Variants in RBFOX3 observed in about 807,000 individuals in gnomAD.
RBFOX3 encodes the protein RNA binding protein fox-1 homolog 3.
Under a neutral mutation model 48.7 loss-of-function variants are expected in RBFOX3, and 17 were observed. The ratio of observed to expected loss-of-function variants is 0.35; its 90% CI spans 0.24 to 0.52. The LOEUF (loss-of-function observed/expected upper bound fraction) is 0.52, where lower values mean the gene tolerates loss of function less well. Ranked by LOEUF, RBFOX3 falls within the 20% of genes least tolerant of loss-of-function variation. RBFOX3 has a pLI of 0.94. For synonymous variants in RBFOX3, 212 were observed against 209.5 expected, an observed-to-expected ratio of 1.01 and a Z score of -0.10; for missense variants, 382 against 497.5, an observed-to-expected ratio of 0.77 and a Z score of 2.21.
Position 79,552,562 on chromosome 17 carries a change from C to T in RBFOX3, c.-320+58264G>A, listed in dbSNP as rs1046140713. ...TCTGTTTTGTTCACTGTTGTATCAC[C>T]AGGGCCTGAACAGGGCCTGGTGTAT... On this transcript the variant is annotated intron_variant, in intron 1 of 14. Coordinates refer to ENST00000693108, the MANE Select transcript of RBFOX3 (RefSeq NM_001350451.2). 4.1e-4 allele frequency among the ~76,000 whole-genome samples: 63 copies of T among 152,224 alleles called. No individual in the cohort carries two copies. In the East Asian group the frequency reaches 9.5e-3, roughly 23 times the overall value.
At chr17:79,293,918 T>C (rs77885881) in intron 3 of RBFOX3, among the ~76,000 whole-genome samples, 10,706 of 152,226 alleles carry the variant, frequency 0.07, 512 homozygotes, top group Non-Finnish European at 0.1. Flanking sequence ...CCCCAGCTGC[T>C]ATTACAGGAT....
At chr17:79,288,110 C>T (rs1368498213) in intron 3 of RBFOX3, among the ~76,000 whole-genome samples, 2 of 152,248 alleles carry the variant, frequency 1.3e-5, no homozygotes, top group East Asian at 3.9e-4. Flanking sequence ...GCCACCTTCT[C>T]AGTGAAGCCT....
chr17:79,276,849 C>A (rs1417981864), intron 3 of RBFOX3, among the ~76,000 whole-genome samples: 1 of 152,174 alleles, frequency 6.6e-6, no homozygotes, highest in Non-Finnish European at 1.5e-5. Flanking sequence ...GAGACCACTG[C>A]CCCTCTTGTA....
At chr17:79,648,278 G>A in the RBFOX3 span, among the ~76,000 whole-genome samples, 53 of 152,264 alleles carry the variant, frequency 3.5e-4, no homozygotes, top group African/African-American at 1.1e-3. Flanking sequence ...GACAGGGAGC[G>A]GTGCAGATGA....
intron 3 of RBFOX3, among the ~76,000 whole-genome samples, chr17:79,238,020 T>A (rs1319042206): frequency 6.6e-6 from 1 of 152,252 alleles, no homozygotes; most frequent in Non-Finnish European, 1.5e-5. Flanking sequence ...CCCTGCAACC[T>A]CTGCCTCTCA....
chr17:79,533,685 C>G (rs1381384818), intron 1 of RBFOX3, among the ~76,000 whole-genome samples: 2 of 152,242 alleles, frequency 1.3e-5, no homozygotes, highest in African/African-American at 4.8e-5. Context: ...GTCATGGGTG[C>G]TTTGCAGCAT....
chr17:79,635,974 G>C, the RBFOX3 span, among the ~76,000 whole-genome samples: 1 of 152,148 alleles, frequency 6.6e-6, no homozygotes, highest in African/African-American at 2.4e-5. Context: ...TCTATAAATT[G>C]ATAAACCCAC....
intron 5 of RBFOX3, among the ~76,000 whole-genome samples, chr17:79,114,173 G>A (rs1045129567): frequency 5.9e-5 from 9 of 152,208 alleles, no homozygotes; most frequent in Admixed American, 2.0e-4. Flanking sequence ...TGGTGAACCC[G>A]GCTTGGCTCC....
At chr17:79,161,628 C>G (rs539828466) in intron 4 of RBFOX3, among the ~76,000 whole-genome samples, 48 of 152,290 alleles carry the variant, frequency 3.2e-4, no homozygotes, top group African/African-American at 1.1e-3. Flanking sequence ...CAGGGTCTCA[C>G]TCTGTCACCC....
intron 1 of RBFOX3, among the ~76,000 whole-genome samples, chr17:79,512,141 G>A (rs1357208134): frequency 7.7e-6 from 1 of 130,120 alleles, no homozygotes; most frequent in African/African-American, 2.9e-5. Flanking sequence ...GTTACCATTG[G>A]GTACAGCCCC....
chr17:79,200,090 A>C (rs2056489693), intron 4 of RBFOX3, among the ~76,000 whole-genome samples: 1 of 150,602 alleles, frequency 6.6e-6, no homozygotes, highest in Non-Finnish European at 1.5e-5. Context: ...TTGAACCCGG[A>C]AGGCAGAGGT....
At chr17:79,440,007 G>A (rs566978744) in intron 2 of RBFOX3, among the ~76,000 whole-genome samples, 28 of 152,118 alleles carry the variant, frequency 1.8e-4, no homozygotes, top group Non-Finnish European at 2.9e-4. Flanking sequence ...GGAGGGGAGC[G>A]TCCCTGTCAG....
chr17:79,165,016 G>C (rs940816139), intron 4 of RBFOX3, among the ~76,000 whole-genome samples: 1 of 152,178 alleles, frequency 6.6e-6, no homozygotes, highest in Non-Finnish European at 1.5e-5. Context: ...CATCTTTCTA[G>C]AGCCAGGAGG....
chr17:79,585,065 G>A (rs1055989352), intron 1 of RBFOX3, among the ~76,000 whole-genome samples: 14 of 151,740 alleles, frequency 9.2e-5, no homozygotes, highest in African/African-American at 2.9e-4. Flanking sequence ...GCGCCCAGCC[G>A]ATAAATTGGA....
intron 2 of RBFOX3, among the ~76,000 whole-genome samples, chr17:79,440,818 C>T (rs2070748229): frequency 6.6e-6 from 1 of 152,182 alleles, no homozygotes; most frequent in Admixed American, 6.5e-5. Context: ...ATCCACACCC[C>T]TGCTCCTGAC....
intron 12 of RBFOX3, 33 bp downstream of exon 12, chr17:79,096,620 T>TCCCCCCC: frequency 2.0e-6 from 3 of 1,502,342 alleles, no homozygotes; most frequent in Non-Finnish European, 2.7e-6. Flanking sequence ...GAACGCCTGA[T>TCCCCCCC]CCCACCCTCC....
At chr17:79,377,495 T>G (rs2147826947) in intron 2 of RBFOX3, among the ~76,000 whole-genome samples, 1 of 152,178 alleles carries the variant, frequency 6.6e-6, no homozygotes, top group East Asian at 1.9e-4. Context: ...GCGACATCAC[T>G]CCGAGTTGGT....
intron 1 of RBFOX3, among the ~76,000 whole-genome samples, chr17:79,531,981 T>C (rs939948619): frequency 0.018 from 2,808 of 152,034 alleles, 89 homozygotes; most frequent in African/African-American, 0.066. Context: ...CAGGGGAGGG[T>C]CCTCAAGGGA....
intron 3 of RBFOX3, among the ~76,000 whole-genome samples, chr17:79,270,902 G>T (rs1250929597): frequency 6.6e-6 from 1 of 152,246 alleles, no homozygotes; most frequent in African/African-American, 2.4e-5. Context: ...GAGAGGTTCA[G>T]TCATTTTCCA....
Sources: gnomAD v4.1 joint callset for allele counts (sites outside exome capture counted in the v4.1 genomes callset) on GRCh38, gnomAD v4.1.1 for gene constraint, MANE v1.5 for transcripts, NCBI Gene and HGNC (gene_info 2026-07-23, HGNC 2026-07-21) for gene names.